The following SPAG16 variants were observed in gnomAD, a reference collection of about 807,000 sequenced individuals.
SPAG16 encodes sperm-associated antigen 16 protein.
Under a neutral mutation model 80.4 loss-of-function variants are expected in SPAG16, and 86 were observed. The ratio of observed to expected loss-of-function variants is 1.07; its 90% CI spans 0.90 to 1.28. The LOEUF (loss-of-function observed/expected upper bound fraction) is 1.28. SPAG16 is among the 50% of genes most tolerant of loss of function. SPAG16 has a pLI of 0.00. For synonymous variants in SPAG16, 294 were observed against 265.9 expected (o/e 1.11, Z -1.03); for missense variants, 870 against 765.3 (o/e 1.14, Z -1.61).
At chr2:213,536,233 A>G (rs941527910) in intron 10 of SPAG16, among the ~76,000 whole-genome samples, 124 of 152,272 alleles carry the variant, frequency 8.1e-4, no homozygotes, top group African/African-American at 2.6e-3. Flanking sequence ...ATTAGGTTGA[A>G]CTATATGAAA....
chr2:213,377,836 C>T (rs1395358340), intron 9 of SPAG16, among the ~76,000 whole-genome samples: 1 of 150,882 alleles, frequency 6.6e-6, no homozygotes, highest in Non-Finnish European at 1.5e-5. Context: ...CTGATGAGCA[C>T]TGTATTAGTC....
chr2:214,344,881 G>A (rs1241187082), intron 15 of SPAG16, among the ~76,000 whole-genome samples: 1 of 151,974 alleles, frequency 6.6e-6, no homozygotes, highest in Non-Finnish European at 1.5e-5. Flanking sequence ...CTAGTAACTG[G>A]GCTCTTCATT....
intron 9 of SPAG16, among the ~76,000 whole-genome samples, chr2:213,438,360 G>A (rs924688210): frequency 6.6e-6 from 1 of 152,244 alleles, no homozygotes; most frequent in Non-Finnish European, 1.5e-5. Flanking sequence ...CCTGGTTCAT[G>A]TGTTCAATTC....
intron 9 of SPAG16, among the ~76,000 whole-genome samples, chr2:213,459,994 C>T (rs1046516004): frequency 1.3e-5 from 2 of 152,088 alleles, no homozygotes; most frequent in African/African-American, 2.4e-5. Flanking sequence ...GTTGAAAAAT[C>T]GAATATATGT....
chr2:213,586,096 CATAACAATTATTATTTGAA>C (rs1357603591), intron 10 of SPAG16, among the ~76,000 whole-genome samples: 1 of 152,038 alleles, frequency 6.6e-6, no homozygotes, highest in Non-Finnish European at 1.5e-5. Flanking sequence ...TCTTCTTAGC[CATAACAATTATTATTTGAA>C]ATCTTACCCC....
At chr2:213,656,607 AC>A (rs1180062976) in intron 10 of SPAG16, among the ~76,000 whole-genome samples, 4 of 152,102 alleles carry the variant, frequency 2.6e-5, no homozygotes, top group Non-Finnish European at 5.9e-5. Context: ...ATTTTGTTTC[AC>A]TGGTAGGCAA....
intron 11 of SPAG16, among the ~76,000 whole-genome samples, chr2:213,918,326 C>A (rs990016477): frequency 6.6e-6 from 1 of 152,030 alleles, no homozygotes; most frequent in Non-Finnish European, 1.5e-5. Flanking sequence ...TTTTTTGGAA[C>A]AGTTTCAGTA....
chr2:213,634,118 T>G (rs114272753), intron 10 of SPAG16, among the ~76,000 whole-genome samples: 1 of 152,122 alleles, frequency 6.6e-6, no homozygotes, highest in Non-Finnish European at 1.5e-5. Context: ...CTTTCCTGTC[T>G]TCTTATAGTG....
chr2:213,290,632 A>C (rs949188763), intron 1 of SPAG16, among the ~76,000 whole-genome samples: 1 of 152,220 alleles, frequency 6.6e-6, no homozygotes, highest in African/African-American at 2.4e-5. Context: ...GATTTAGGCC[A>C]GAATGCTAGC....
At position 213,643,767 on chromosome 2, in the gene SPAG16, C is replaced by CTTT. The variant is rs71063764; in HGVS notation, c.1070+153704_1070+153706dup. ...TAGCCTGTCTTCAAGCTCACTACTTCTTTTTTTTTTTTTTTTTTTTTTTTT... is the reference window on the plus strand; with the variant it reads ...TAGCCTGTCTTCAAGCTCACTACTTCTTTTTTTTTTTTTTTTTTTTTTTTTTTT... On this transcript the variant is annotated intron_variant, in intron 10 of 15. Transcript: ENST00000331683. Among the ~76,000 whole-genome samples the CTTT allele has an allele frequency of 9.6e-3, 501 of 52,054 alleles. 19 individuals are homozygous for CTTT. The highest frequency in any genetic ancestry group is 0.011 in the Non-Finnish European group (328 of 28,524). The allele number at this position is 52,054 out of a possible 152,430, so 34.1% of individuals were successfully genotyped here.
chr2:214,303,687 T>A (rs1052269289), intron 15 of SPAG16, among the ~76,000 whole-genome samples: 2 of 152,220 alleles, frequency 1.3e-5, no homozygotes, highest in Non-Finnish European at 2.9e-5. Context: ...CCGATAAATT[T>A]TCCTAAGTTT....
intron 11 of SPAG16, among the ~76,000 whole-genome samples, chr2:213,871,611 C>G (rs1190315634): frequency 6.6e-6 from 1 of 151,844 alleles, no homozygotes; most frequent in Non-Finnish European, 1.5e-5. Flanking sequence ...CAAGGACTTG[C>G]ACAAGCAGGA....
At chr2:213,685,107 A>T (rs1283939391) in intron 10 of SPAG16, among the ~76,000 whole-genome samples, 3 of 152,160 alleles carry the variant, frequency 2.0e-5, no homozygotes, top group Non-Finnish European at 4.4e-5. Flanking sequence ...TGAATAAAAG[A>T]CCCTTTGGCA....
chr2:213,613,128 A>T (rs2061491296), intron 10 of SPAG16, among the ~76,000 whole-genome samples: 1 of 152,122 alleles, frequency 6.6e-6, no homozygotes. Context: ...TTATAGTCCA[A>T]GCTATTATTC....
chr2:214,177,906 T>C lies in SPAG16; in HGVS notation c.1720+28640T>C, dbSNP rs28583878. On this transcript the variant is annotated intron_variant, in intron 15 of 15. Coordinates refer to ENST00000331683, the MANE Select transcript of SPAG16 (RefSeq NM_024532.5). ...AAAGCAGAATATATATATACATATA[T>C]ATATATATACATATATATATATATA... Among the ~76,000 whole-genome samples, 4 of 92,222 alleles carry C rather than the reference T, an allele frequency of 4.3e-5. 1 individual carries two copies. Among genetic ancestry groups the C allele is most frequent in the African/African-American group, 1.8e-4 (3 of 17,088 alleles). 60.5% of individuals were successfully genotyped at this position (92,222 alleles called of 152,430 possible).
At position 213,889,361 on chromosome 2, in the gene SPAG16, G is replaced by T. The variant is rs557465493; in HGVS notation, c.1214+26733G>T. On this transcript the variant is annotated intron_variant, in intron 11 of 15. Transcript: ENST00000331683. Reference sequence around the variant, plus strand: ...GAGAAAATCTTACAAGAATTATCTAGGTATGTAATCATTATATTAAAATGC... The same window carrying T: ...GAGAAAATCTTACAAGAATTATCTATGTATGTAATCATTATATTAAAATGC... Among the ~76,000 whole-genome samples, 38 of 151,628 alleles carry T rather than the reference G, an allele frequency of 2.5e-4. No individual in the cohort carries two copies. In the South Asian group the frequency reaches 7.9e-3, roughly 31 times the overall value.
chr2:213,683,967 G>A (rs1025280918), intron 10 of SPAG16, among the ~76,000 whole-genome samples: 4 of 152,278 alleles, frequency 2.6e-5, no homozygotes, highest in South Asian at 2.1e-4. Flanking sequence ...GTAGGAAAGC[G>A]TTTTGTGTAG....
At chr2:213,314,892 A>G (rs962017745) in intron 4 of SPAG16, among the ~76,000 whole-genome samples, 2 of 152,056 alleles carry the variant, frequency 1.3e-5, no homozygotes, top group African/African-American at 4.8e-5. Flanking sequence ...TTCCTGTTTT[A>G]TGAATTGTGG....
In SPAG16 at chr2:213,430,997, A is replaced by T. The variant is rs555382157; in HGVS notation, c.942+55878A>T. Among the ~76,000 whole-genome samples the T allele has an allele frequency of 6.6e-5, 10 of 152,350 alleles. 2 individuals are homozygous for T. The South Asian group carries it at 2.1e-3, about 32-fold the overall frequency. On this transcript the variant is annotated intron_variant, in intron 9 of 15. Coordinates refer to ENST00000331683, the MANE Select transcript of SPAG16 (RefSeq NM_024532.5). ...CCAGAATAAGCTTCATAAATGAAAA[A>T]GAAATAGTTTTTCTCAGACAAGCAA...
Sources: allele counts gnomAD v4.1 joint callset (sites outside exome capture counted in the v4.1 genomes callset), GRCh38; gene constraint gnomAD v4.1.1; transcripts MANE v1.5; gene names NCBI Gene and HGNC (gene_info 2026-07-23, HGNC 2026-07-21).